The following HELB variants were observed in gnomAD, a reference collection of about 807,000 sequenced individuals.
HELB encodes the protein DNA 5'-3' helicase B.
In HELB, 96 loss-of-function variants were observed where a neutral mutation model predicts 101.7. The observed-to-expected ratio is 0.94, with a 90% CI of 0.80 to 1.12. HELB has a LOEUF of 1.12. Among genes scored for constraint, HELB ranks in the 50% most tolerant of loss-of-function variants. The pLI, the probability that HELB is intolerant of heterozygous loss-of-function variation, is 0.00. For missense variants in HELB, 1,210 were observed against 1,291.9 expected (o/e 0.94, Z 0.97); for synonymous variants, 437 against 459.7 (o/e 0.95, Z 0.63).
At position 66,331,553 on chromosome 12, in the gene HELB, G is replaced by A. The variant is rs748666336; in HGVS notation, c.3070G>A (p.Gly1024Arg). 1.2e-6 allele frequency: 2 copies of A among 1,613,814 alleles called. No homozygotes were observed. Among genetic ancestry groups the A allele is most frequent in the African/African-American group, 1.3e-5 (1 of 74,904 alleles). The part of the protein sequence containing the change: ...AERWQLSSPD[G>R]VDTDDDLPKS... ...AAGATGGCAATTATCTTCACCTGAT[G>A]GAGTAGATACAGATGATGATTTACC... Residue 1024 changes from glycine (G) to arginine (R), a missense_variant, in exon 12 of 13, where the codon GGA (glycine) becomes AGA (arginine). Gly to Arg is a moderately radical substitution (Grantham distance 125). This residue lies in a region of HELB where 740 missense variants were observed against 728.8 expected (regional missense o/e 1.02). Coordinates refer to ENST00000247815, the MANE Select transcript of HELB (RefSeq NM_001370285.1).
intron 11 of HELB, among the ~76,000 whole-genome samples, chr12:66,326,082 T>C (rs1464086859): frequency 6.6e-6 from 1 of 152,256 alleles, no homozygotes; most frequent in East Asian, 1.9e-4. Flanking sequence ...AATGTCCTTT[T>C]GCTGTTCTAG....
At chr12:66,315,041 G>A (rs1380587335) in intron 5 of HELB, among the ~76,000 whole-genome samples, 5 of 151,308 alleles carry the variant, frequency 3.3e-5, no homozygotes, top group Admixed American at 2.0e-4. Context: ...CCTGTACCCA[G>A]TTTCCCTGTG....
intron 12 of HELB, among the ~76,000 whole-genome samples, chr12:66,336,048 T>C (rs2053863067): frequency 6.6e-6 from 1 of 152,238 alleles, no homozygotes; most frequent in Admixed American, 6.5e-5. Context: ...CTAGAACATT[T>C]GGTACAATTG....
chr12:66,310,152 T>G lies in HELB; in HGVS notation c.1224T>G (p.Asp408Glu). ...SDDALNESKP[D>E]EVRLENPVDV... Reference sequence around the variant, plus strand: ...ATGCATTGAATGAGAGCAAACCTGATGAAGTAAGATTAGAAAATCCTGTGG... The same window carrying G: ...ATGCATTGAATGAGAGCAAACCTGAGGAAGTAAGATTAGAAAATCCTGTGG... The change falls in exon 4 of 13, where the codon GAT (aspartate) becomes GAG (glutamate). Residue 408 changes from aspartate to glutamate, a missense_variant. By Grantham distance (45) the Asp-to-Glu change is conservative. This residue lies in a region of HELB where 470 missense variants were observed against 563.1 expected (regional missense o/e 0.83). Transcript: ENST00000247815. The G allele has an allele frequency of 6.2e-7, 1 of 1,614,162 alleles. No homozygotes were observed. Among genetic ancestry groups the G allele is most frequent in the South Asian group, 1.1e-5 (1 of 91,084 alleles).
In HELB at chr12:66,318,670, C is replaced by G. The variant is rs1274211464; in HGVS notation, c.2033C>G (p.Ala678Gly). 1.1e-5 allele frequency: 17 copies of G among 1,596,406 alleles called. No homozygotes were observed. The highest frequency in any genetic ancestry group is 3.7e-5 in the Admixed American group (2 of 53,934). Reference sequence around the variant, plus strand: ...AGACGCCAATTTCCAAAATTTGATGCAGAACTAAATATCTCTGATAATCCA... The same window carrying G: ...AGACGCCAATTTCCAAAATTTGATGGAGAACTAAATATCTCTGATAATCCA... ...ISRRQFPKFD[A>G]ELNISDNPTL... The change falls in exon 7 of 13, where the codon GCA becomes GGA. Residue 678 changes from alanine to glycine, a missense_variant. By Grantham distance (60) the Ala-to-Gly change is moderately conservative (BLOSUM62 0). Transcript: ENST00000247815.
intron 1 of HELB, among the ~76,000 whole-genome samples, chr12:66,303,816 T>C (rs1448771358): frequency 6.6e-6 from 1 of 152,202 alleles, no homozygotes; most frequent in Non-Finnish European, 1.5e-5. Flanking sequence ...ACTTTGTGAC[T>C]GAGACTTAAA....
Position 66,306,381 on chromosome 12 carries a change from C to G in HELB, c.644C>G (p.Pro215Arg), listed in dbSNP as rs780083932. Reference sequence around the variant, plus strand: ...AATGTAATGACAGCTTTGCAGTTTCCGAAGATAATGGAATTCCTTCCAGTT... The same window carrying G: ...AATGTAATGACAGCTTTGCAGTTTCGGAAGATAATGGAATTCCTTCCAGTT... ...FRNVMTALQF[P>R]KIMEFLPVLL... The change falls in exon 3 of 13, where the codon CCG becomes CGG. Residue 215 changes from proline (P) to arginine (R), a missense_variant. Transcript: ENST00000247815. 2 of 1,598,034 alleles carry G rather than the reference C, an allele frequency of 1.3e-6. No individual in the cohort carries two copies. The highest frequency in any genetic ancestry group is 1.7e-6 in the Non-Finnish European group (2 of 1,172,902).
exon 14 of HELB, chr12:66,343,589 G>A (rs192139487): frequency 6.6e-6 from 1 of 152,104 alleles, no homozygotes. Context: ...ATTCTTTGTA[G>A]TTTTCAGAGT....
intron 9 of HELB, among the ~76,000 whole-genome samples, chr12:66,323,680 G>C (rs375465085): frequency 6.6e-6 from 1 of 152,176 alleles, no homozygotes; most frequent in Non-Finnish European, 1.5e-5. Flanking sequence ...ATCAAAATTT[G>C]TGTTAACCTT....
intron 7 of HELB, 147 bp from the exon 8 acceptor site, chr12:66,321,801 G>A: frequency 1.9e-6 from 1 of 536,050 alleles, no homozygotes; most frequent in South Asian, 2.0e-5. Flanking sequence ...TGGGGAATGA[G>A]GTTGACATTC....
Position 66,315,285 on chromosome 12 carries a change from G to T in HELB, c.1902G>T (p.Leu634=). The T allele has an allele frequency of 6.2e-7, 1 of 1,608,804 alleles. No individual in the cohort carries two copies. The highest frequency in any genetic ancestry group is 8.5e-7 in the Non-Finnish European group (1 of 1,177,408). ...CCAGTATTGAACCTGGTAACTTGCT[G>T]AAAGATCTTTTTGAGACTCTTAAGT... ...QLPSIEPGNL[L]KDLFETLKSR... is the part of the protein sequence containing the mutation. The change falls in exon 6 of 13, where the codon CTG becomes CTT. Residue 634 remains leucine (L), a synonymous_variant. Transcript: ENST00000247815.
chr12:66,324,950 G>T, intron 10 of HELB, 33 bp from the exon 11 acceptor site: 1 of 1,609,730 alleles, frequency 6.2e-7, no homozygotes. Context: ...CATATTTGAA[G>T]GTATGCAAAA....
intron 10 of HELB, 156 bp downstream of exon 10, chr12:66,324,367 T>C: frequency 1.6e-6 from 1 of 611,362 alleles, no homozygotes; most frequent in Non-Finnish European, 2.9e-6. Context: ...TTATGAAGGA[T>C]ATGGGTAGTT....
rs2053676265 is a variant in HELB, at chr12:66,322,036, C to T, written c.2237+7C>T. 3 of 1,011,168 alleles carry T rather than the reference C, an allele frequency of 3.0e-6. No individual in the cohort carries two copies. Among genetic ancestry groups the T allele is most frequent in the Non-Finnish European group, 4.4e-6 (3 of 675,434 alleles). The allele number at this position is 1,011,168 out of a possible 1,614,324, so 62.6% of individuals were successfully genotyped here. On this transcript the variant is annotated splice_region_variant and intron_variant, in intron 8 of 12. Coordinates refer to ENST00000247815, the MANE Select transcript of HELB (RefSeq NM_001370285.1). The stretch of plus-strand genomic sequence containing the variant: ...AATTTATTGCATTTAGAAGGTAAAG[C>T]ATTTATAATATTTTAATGTTTTTAA...
At chr12:66,330,215 G>C (rs913908781) in intron 11 of HELB, among the ~76,000 whole-genome samples, 1 of 152,128 alleles carries the variant, frequency 6.6e-6, no homozygotes, top group Non-Finnish European at 1.5e-5. Flanking sequence ...CCTCAAACTT[G>C]AAATTGTTTT....
In HELB at chr12:66,320,149, A is replaced by G. The variant is rs562883343; in HGVS notation, c.2155+1357A>G. Among the ~76,000 whole-genome samples, 21 of 152,104 alleles carry G rather than the reference A, an allele frequency of 1.4e-4. No homozygotes were observed. In the East Asian group the frequency reaches 2.7e-3, roughly 20 times the overall value. On this transcript the variant is annotated intron_variant, in intron 7 of 12. Transcript: ENST00000247815. ...AGTGACTGATTAAATTTGTTGCAAG[A>G]TTGCTTTAGATTGTGGGGGCCAATG...
rs749751497 is a variant in HELB, at chr12:66,314,067, G to C, written c.1762G>C (p.Val588Leu). ...GAAATTTTCTTCGGTTAGAGTTCTG[G>C]TTGTGGATGAAGGGAGTTTGGTATC... Reference protein sequence around the residue: ...PWKFSSVRVLVVDEGSLVSVG... With the variant: ...PWKFSSVRVLLVDEGSLVSVG... The change falls in exon 5 of 13, where the codon GTT becomes CTT. Residue 588 changes from valine to leucine, a missense_variant. Val to Leu is a conservative substitution (Grantham distance 32). Around this residue, in one of 2 missense-constraint regions of HELB, gnomAD observed 740 missense variants for 728.8 expected, o/e 1.02. Transcript: ENST00000247815. 1.2e-6 allele frequency: 2 copies of C among 1,613,882 alleles called. No individual in the cohort carries two copies. Among genetic ancestry groups the C allele is most frequent in the South Asian group, 2.2e-5 (2 of 91,086 alleles).
intron 12 of HELB, among the ~76,000 whole-genome samples, chr12:66,334,572 C>G (rs2137018729): frequency 6.6e-6 from 1 of 151,496 alleles, no homozygotes; most frequent in East Asian, 2.0e-4. Flanking sequence ...CCCAGAAGTT[C>G]AAGACCAGCC....
In HELB at chr12:66,324,353, A is replaced by G. The variant is rs577759175; in HGVS notation, c.2526+142A>G. ...TTTTTGTTAAGGATTTTTGGCATCC[A>G]TGTTTATGAAGGATATGGGTAGTTA... On this transcript the variant is annotated intron_variant, in intron 10 of 12. Coordinates refer to ENST00000247815, the MANE Select transcript of HELB (RefSeq NM_001370285.1). The G allele has an allele frequency of 3.3e-4, 223 of 668,514 alleles. 3 individuals are homozygous for G. The South Asian group carries it at 3.7e-3, about 11-fold the overall frequency. 41.4% of individuals were successfully genotyped at this position (668,514 alleles called of 1,614,324 possible).
Sources: allele counts gnomAD v4.1 joint callset (sites outside exome capture counted in the v4.1 genomes callset), GRCh38; gene constraint gnomAD v4.1.1; regional missense constraint gnomAD v4.1.1; transcripts MANE v1.5; gene names NCBI Gene and HGNC (gene_info 2026-07-23, HGNC 2026-07-21).